PTPRG: variants seen among roughly 807,000 people sequenced by gnomAD.
PTPRG encodes protein tyrosine phosphatase receptor type G, also known as receptor-type tyrosine-protein phosphatase gamma.
A neutral mutation model predicts 165.3 loss-of-function variants in PTPRG; 102 were observed. That is an observed-to-expected ratio of 0.62 (90% CI 0.53 to 0.73). The LOEUF (loss-of-function observed/expected upper bound fraction) is 0.73, where lower values mean the gene tolerates loss of function less well. PTPRG is among the 30% of genes least tolerant of loss of function. PTPRG has a pLI of 0.00. For synonymous variants in PTPRG, 675 were observed against 669.5 expected (o/e 1.01, Z -0.13); for missense variants, 1,866 against 1,861.4 (o/e 1.00, Z -0.05).
At chr3:62,004,452 G>C (rs2041246083) in intron 4 of PTPRG, among the ~76,000 whole-genome samples, 1 of 152,192 alleles carries the variant, frequency 6.6e-6, no homozygotes, top group East Asian at 1.9e-4. Flanking sequence ...AAGTATCAAA[G>C]GGCTGAAGTT....
At chr3:62,168,620 AGGGGAGCACATAAGGGAG>A (rs1705090683) in intron 8 of PTPRG, among the ~76,000 whole-genome samples, 1 of 152,136 alleles carries the variant, frequency 6.6e-6, no homozygotes, top group Non-Finnish European at 1.5e-5. Flanking sequence ...CATAAGGTCT[AGGGGAGCACATAAGGGAG>A]GGGGAGCACA....
intron 2 of PTPRG, among the ~76,000 whole-genome samples, chr3:61,956,958 G>C (rs1319811138): frequency 6.6e-6 from 1 of 152,046 alleles, no homozygotes; most frequent in Non-Finnish European, 1.5e-5. Flanking sequence ...CCATTGACTT[G>C]TTTAGGGTAC....
At chr3:61,575,744 C>T (rs965403405) in intron 1 of PTPRG, among the ~76,000 whole-genome samples, 2 of 151,772 alleles carry the variant, frequency 1.3e-5, no homozygotes, top group Non-Finnish European at 2.9e-5. Flanking sequence ...GAATTACAGG[C>T]GCATGCCACC....
intron 1 of PTPRG, among the ~76,000 whole-genome samples, chr3:61,735,400 T>C (rs2032679281): frequency 6.6e-6 from 1 of 152,254 alleles, no homozygotes; most frequent in Non-Finnish European, 1.5e-5. Flanking sequence ...AGCCTCATTC[T>C]TGCTGGAAAG....
chr3:61,784,440 G>A (rs906615503), intron 2 of PTPRG, among the ~76,000 whole-genome samples: 1 of 152,138 alleles, frequency 6.6e-6, no homozygotes, highest in African/African-American at 2.4e-5. Context: ...TAATTGGGTG[G>A]GGGAGAGAGT....
At chr3:62,192,066 T>A (rs1699839856) in intron 9 of PTPRG, among the ~76,000 whole-genome samples, 1 of 152,174 alleles carries the variant, frequency 6.6e-6, no homozygotes, top group Admixed American at 6.5e-5. Context: ...ACGATCATTC[T>A]CCTCTTCCTC....
chr3:61,910,153 A>G (rs1205198427), intron 2 of PTPRG, among the ~76,000 whole-genome samples: 1 of 152,250 alleles, frequency 6.6e-6, no homozygotes, highest in African/African-American at 2.4e-5. Flanking sequence ...CACATGCCTT[A>G]CGTACCTCTT....
At chr3:61,706,863 T>C (rs994946828) in intron 1 of PTPRG, among the ~76,000 whole-genome samples, 2 of 152,128 alleles carry the variant, frequency 1.3e-5, no homozygotes, top group African/African-American at 4.8e-5. Flanking sequence ...AACTTAAAAA[T>C]ACATGAAACA....
In PTPRG at chr3:62,271,914, A is replaced by G. The variant is rs1179331341; in HGVS notation, c.3182+359A>G. Among the ~76,000 whole-genome samples the G allele has an allele frequency of 6.6e-6, 1 of 151,964 alleles. No homozygotes were observed. The highest frequency in any genetic ancestry group is 2.4e-5 in the African/African-American group (1 of 41,366). On this transcript the variant is annotated intron_variant, in intron 21 of 29. Transcript: ENST00000474889. This position sits in a 1 kb window ranked among gnomAD's most constrained non-coding sequence, Gnocchi z 4.1. ...AGACCAGCCTGGGCAACAAAGTGAC[A>G]CCCCATTTCTACAAAAATTAAAAAT...
Position 61,789,087 on chromosome 3 carries a change from T to C in PTPRG, c.190+40105T>C, listed in dbSNP as rs897637515. ...GTCTAGTTTCTTTTCTCTTCTTTCCTCCTTTTCTTTTCTTTTTTTCTTTTT... is the reference window on the plus strand; with the variant it reads ...GTCTAGTTTCTTTTCTCTTCTTTCCCCCTTTTCTTTTCTTTTTTTCTTTTT... On this transcript the variant is annotated intron_variant, in intron 2 of 29. Coordinates refer to ENST00000474889, the MANE Select transcript of PTPRG (RefSeq NM_002841.4). Among the ~76,000 whole-genome samples, 4 of 152,118 alleles carry C rather than the reference T, an allele frequency of 2.6e-5. No homozygotes were observed. The East Asian group carries it at 5.8e-4, about 22-fold the overall frequency.
At chr3:61,827,045 G>A (rs540693990) in intron 2 of PTPRG, among the ~76,000 whole-genome samples, 1 of 152,240 alleles carries the variant, frequency 6.6e-6, no homozygotes, top group African/African-American at 2.4e-5. Flanking sequence ...ATATGAATGA[G>A]GATATAGACG....
chr3:61,771,874 A>T (rs2034215653), intron 2 of PTPRG, among the ~76,000 whole-genome samples: 1 of 151,850 alleles, frequency 6.6e-6, no homozygotes, highest in Non-Finnish European at 1.5e-5. Flanking sequence ...AGCCTGGCCA[A>T]CATGGTGAAA....
chr3:61,853,427 A>G (rs906945281), intron 2 of PTPRG, among the ~76,000 whole-genome samples: 7 of 152,080 alleles, frequency 4.6e-5, no homozygotes, highest in African/African-American at 1.7e-4. Flanking sequence ...GAACAAGCTC[A>G]CTCCAATATC....
chr3:61,924,971 A>G (rs2039171237), intron 2 of PTPRG, among the ~76,000 whole-genome samples: 1 of 152,224 alleles, frequency 6.6e-6, no homozygotes, highest in Non-Finnish European at 1.5e-5. Context: ...GAGAGATGAT[A>G]TCTGCAAGCC....
chr3:61,616,622 C>G (rs891175872), intron 1 of PTPRG, among the ~76,000 whole-genome samples: 1 of 152,232 alleles, frequency 6.6e-6, no homozygotes, highest in Non-Finnish European at 1.5e-5. Flanking sequence ...CTCCTCGTCT[C>G]ACTTGGTTAC....
intron 2 of PTPRG, among the ~76,000 whole-genome samples, chr3:61,760,737 T>A (rs545888952): frequency 6.6e-6 from 1 of 152,340 alleles, no homozygotes; most frequent in South Asian, 2.1e-4. Context: ...CATTAGCTAT[T>A]CTTCCTGATG....
At chr3:61,894,833 T>C (rs2038308002) in intron 2 of PTPRG, among the ~76,000 whole-genome samples, 1 of 152,088 alleles carries the variant, frequency 6.6e-6, no homozygotes, top group East Asian at 1.9e-4. Context: ...GTTATTAATC[T>C]TGCTTTTATT....
chr3:62,130,424 A>G (rs1703471261), intron 5 of PTPRG, among the ~76,000 whole-genome samples: 1 of 152,216 alleles, frequency 6.6e-6, no homozygotes, highest in Admixed American at 6.5e-5. Flanking sequence ...ATTGGTGTAC[A>G]CTTTCCATAG....
intron 1 of PTPRG, among the ~76,000 whole-genome samples, chr3:61,572,969 G>A (rs1291087795): frequency 6.6e-6 from 1 of 152,210 alleles, no homozygotes; most frequent in African/African-American, 2.4e-5. Flanking sequence ...GTGGGCACAT[G>A]CGCTAGTGCA....
Sources: gnomAD v4.1 joint callset for allele counts (sites outside exome capture counted in the v4.1 genomes callset) on GRCh38, gnomAD v4.1.1 for gene constraint, Gnocchi (gnomAD v3.1) non-coding constraint, MANE v1.5 for transcripts, NCBI Gene and HGNC (gene_info 2026-07-23, HGNC 2026-07-21) for gene names.